THSD7B: variants seen among roughly 807,000 people sequenced by gnomAD.
THSD7B encodes the protein thrombospondin type-1 domain-containing protein 7B.
Under a neutral mutation model 213.6 loss-of-function variants are expected in THSD7B, and 138 were observed. The observed-to-expected ratio is 0.65, with a 90% CI of 0.56 to 0.74. THSD7B has a LOEUF of 0.74. Among genes scored for constraint, THSD7B ranks in the 30% least tolerant of loss-of-function variants. THSD7B has a pLI of 0.00. For synonymous variants in THSD7B, 742 were observed against 687.0 expected (o/e 1.08, Z -1.25); for missense variants, 1,931 against 1,991.5 (o/e 0.97, Z 0.58).
At chr2:137,673,976 G>GC (rs1573781228) in intron 27 of THSD7B, among the ~76,000 whole-genome samples, 1 of 152,278 alleles carries the variant, frequency 6.6e-6, no homozygotes, top group East Asian at 1.9e-4. Flanking sequence ...CCTATTAGTA[G>GC]CCCCCGCTGG....
rs140422323 is a variant in THSD7B, at chr2:137,049,507, G to A, written c.140-6913G>A. Among the ~76,000 whole-genome samples, 10 of 152,328 alleles carry A rather than the reference G, an allele frequency of 6.6e-5. No individual in the cohort carries two copies. The East Asian group carries it at 1.9e-3, about 29-fold the overall frequency. On this transcript the variant is annotated intron_variant, in intron 2 of 27. Transcript: ENST00000409968. ...AAGGCACATATGGTATTGGGAAGAT[G>A]ATAGTAGGTGTTCAAAAAAACAAAA...
chr2:136,877,381 T>C (rs1448551031), intron 1 of THSD7B, among the ~76,000 whole-genome samples: 3 of 152,178 alleles, frequency 2.0e-5, no homozygotes, highest in Non-Finnish European at 4.4e-5. Flanking sequence ...AGTTTTAGAA[T>C]TGTGTCTAGT....
chr2:137,258,809 T>C (rs1354454524), intron 10 of THSD7B, among the ~76,000 whole-genome samples: 1 of 151,842 alleles, frequency 6.6e-6, no homozygotes, highest in Admixed American at 6.6e-5. Flanking sequence ...GCATTAGGTA[T>C]TTGTCCTAAT....
chr2:136,769,657 T>C (rs1681470401), intron 1 of THSD7B, among the ~76,000 whole-genome samples: 4 of 151,958 alleles, frequency 2.6e-5, no homozygotes, highest in Admixed American at 2.6e-4. Context: ...GCTAAATTCA[T>C]ATTAATTTTT....
At chr2:136,918,447 T>C (rs1160304493) in intron 2 of THSD7B, among the ~76,000 whole-genome samples, 1 of 152,248 alleles carries the variant, frequency 6.6e-6, no homozygotes, top group African/African-American at 2.4e-5. Flanking sequence ...TGCTACGTTA[T>C]ATCTATTCTT....
At chr2:137,022,777 A>G (rs771250873) in intron 2 of THSD7B, among the ~76,000 whole-genome samples, 1 of 152,130 alleles carries the variant, frequency 6.6e-6, no homozygotes, top group Non-Finnish European at 1.5e-5. Flanking sequence ...TATTTAGTGC[A>G]TGGGTCAGCA....
intron 15 of THSD7B, among the ~76,000 whole-genome samples, chr2:137,452,924 A>G (rs764401389): frequency 3.9e-5 from 6 of 152,184 alleles, no homozygotes; most frequent in Non-Finnish European, 5.9e-5. Context: ...TTCAAGAATA[A>G]TTACATAAAT....
At chr2:136,987,269 T>C (rs1485060998) in intron 2 of THSD7B, among the ~76,000 whole-genome samples, 1 of 152,204 alleles carries the variant, frequency 6.6e-6, no homozygotes, top group Admixed American at 6.5e-5. Context: ...TCCTACCCAA[T>C]GAAATACTGA....
chr2:137,617,294 C>T (rs1450936068), intron 18 of THSD7B, among the ~76,000 whole-genome samples: 1 of 152,162 alleles, frequency 6.6e-6, no homozygotes, highest in African/African-American at 2.4e-5. Context: ...TCCTATTAAA[C>T]TATTAGATCA....
chr2:137,062,815 A>T (rs1258038349), intron 3 of THSD7B, among the ~76,000 whole-genome samples: 1 of 151,822 alleles, frequency 6.6e-6, no homozygotes, highest in Non-Finnish European at 1.5e-5. Flanking sequence ...AATGTCAATT[A>T]TATCCAGTTG....
At chr2:137,655,911 GT>G (rs894462932) in intron 22 of THSD7B, among the ~76,000 whole-genome samples, 1 of 152,052 alleles carries the variant, frequency 6.6e-6, no homozygotes, top group African/African-American at 2.4e-5. Context: ...TCACTTCATT[GT>G]TTTACTTGGG....
intron 15 of THSD7B, among the ~76,000 whole-genome samples, chr2:137,495,738 AG>A (rs1679546945): frequency 6.6e-6 from 1 of 152,160 alleles, no homozygotes. Flanking sequence ...CACAACAAAA[AG>A]GGACTGTTCC....
intron 2 of THSD7B, among the ~76,000 whole-genome samples, chr2:137,038,645 A>G (rs1257873725): frequency 7.2e-5 from 11 of 152,200 alleles, no homozygotes; most frequent in African/African-American, 2.7e-4. Context: ...TGGATAGGCA[A>G]GGCAGATTAA....
chr2:137,525,956 G>C (rs1349042473), intron 15 of THSD7B, among the ~76,000 whole-genome samples: 1 of 152,000 alleles, frequency 6.6e-6, no homozygotes, highest in Admixed American at 6.6e-5. Flanking sequence ...CCTTAGCCTG[G>C]AAGTGTCTCT....
intron 10 of THSD7B, among the ~76,000 whole-genome samples, chr2:137,265,456 A>G (rs1682564812): frequency 6.6e-6 from 1 of 152,202 alleles, no homozygotes. Flanking sequence ...CAGCCATCCC[A>G]TTACTGGGTA....
intron 15 of THSD7B, among the ~76,000 whole-genome samples, chr2:137,552,049 C>T (rs1680857899): frequency 6.6e-6 from 1 of 152,156 alleles, no homozygotes; most frequent in African/African-American, 2.4e-5. Flanking sequence ...TCCTAACCCA[C>T]CATCTTCCCA....
chr2:136,899,067 C>G (rs957251398), intron 2 of THSD7B, among the ~76,000 whole-genome samples: 1 of 152,010 alleles, frequency 6.6e-6, no homozygotes, highest in Non-Finnish European at 1.5e-5. Flanking sequence ...CTTTAAAGTA[C>G]CAAGGAACCA....
At chr2:137,104,644 A>G (rs1688213200) in intron 4 of THSD7B, among the ~76,000 whole-genome samples, 1 of 151,968 alleles carries the variant, frequency 6.6e-6, no homozygotes, top group African/African-American at 2.4e-5. Flanking sequence ...AAGATTAACA[A>G]AATGATAGAC....
At chr2:136,868,120 G>GCACACACACA (rs10671218) in intron 1 of THSD7B, among the ~76,000 whole-genome samples, 1 of 149,168 alleles carries the variant, frequency 6.7e-6, no homozygotes, top group Non-Finnish European at 1.5e-5. Flanking sequence ...ACACGCGCGC[G>GCACACACACA]CACACACACA....
Sources: allele counts gnomAD v4.1 joint callset (sites outside exome capture counted in the v4.1 genomes callset), GRCh38; gene constraint gnomAD v4.1.1; transcripts MANE v1.5; gene names NCBI Gene and HGNC (gene_info 2026-07-23, HGNC 2026-07-21).